CFAP77: variants seen among roughly 807,000 people sequenced by gnomAD.
The protein encoded by CFAP77 is cilia- and flagella-associated protein 77.
A neutral mutation model predicts 31.1 loss-of-function variants in CFAP77; 25 were observed. The observed-to-expected ratio is 0.80, with a 90% CI of 0.59 to 1.12. The LOEUF is 1.12. CFAP77 is among the 50% of genes most tolerant of loss of function. CFAP77 has a pLI of 0.00. For missense variants in CFAP77, 377 were observed against 397.3 expected (o/e 0.95, Z 0.44); for synonymous variants, 151 against 159.9 (o/e 0.94, Z 0.42).
At chr9:132,436,135 C>T (rs1850500251) in intron 1 of CFAP77, among the ~76,000 whole-genome samples, 1 of 152,122 alleles carries the variant, frequency 6.6e-6, no homozygotes, top group Non-Finnish European at 1.5e-5. Context: ...TGTATTCTGT[C>T]ACAGCTTCAG....
intron 1 of CFAP77, among the ~76,000 whole-genome samples, chr9:132,471,387 C>T (rs976551808): frequency 6.6e-6 from 1 of 152,150 alleles, no homozygotes; most frequent in Non-Finnish European, 1.5e-5. Flanking sequence ...TGCCTGCCCA[C>T]AACTCTCTGG....
At chr9:132,433,967 T>C (rs896346363) in intron 1 of CFAP77, among the ~76,000 whole-genome samples, 11 of 134,114 alleles carry the variant, frequency 8.2e-5, no homozygotes, top group African/African-American at 1.1e-4. Flanking sequence ...GGAGACCCCA[T>C]GTGTAAAAAA....
rs991600650 is a variant in CFAP77 at position 132,490,296 on chromosome 9, A to G, written c.196-8399A>G. On this transcript the variant is annotated intron_variant, in intron 1 of 5. Coordinates refer to ENST00000393216, the MANE Select transcript of CFAP77 (RefSeq NM_001282957.2). The surrounding 1 kb of genome is among the most constrained non-coding windows in gnomAD (Gnocchi z 4.6). The stretch of plus-strand genomic sequence containing the variant: ...GCATGACTTTGGAGGCGATAAAAAC[A>G]TTCAGACCATAGCACCATGGAAAAG... 6.6e-6 allele frequency among the ~76,000 whole-genome samples: 1 copy of G among 152,194 alleles called. No individual in the cohort carries two copies. The highest frequency in any genetic ancestry group is 6.5e-5 in the Admixed American group (1 of 15,286).
intron 1 of CFAP77, among the ~76,000 whole-genome samples, chr9:132,485,311 A>G (rs1369027482): frequency 1.3e-5 from 2 of 152,160 alleles, no homozygotes; most frequent in Non-Finnish European, 2.9e-5. Context: ...TCCGAGCTGG[A>G]GGCTCTCATG....
chr9:132,512,673 G>A (rs939742683), intron 3 of CFAP77, among the ~76,000 whole-genome samples: 8 of 152,336 alleles, frequency 5.3e-5, no homozygotes, highest in African/African-American at 1.9e-4. Flanking sequence ...TAGGCCAGGC[G>A]TGGTGGCTTA....
At chr9:132,526,668 G>C (rs1300679935) in intron 3 of CFAP77, among the ~76,000 whole-genome samples, 1 of 132,416 alleles carries the variant, frequency 7.6e-6, no homozygotes, top group Non-Finnish European at 1.7e-5. Context: ...ATGATAAAGG[G>C]GATATCACCA....
chr9:132,529,320 A>G (rs1401644681), intron 3 of CFAP77, among the ~76,000 whole-genome samples: 2 of 123,282 alleles, frequency 1.6e-5, no homozygotes, highest in Non-Finnish European at 3.4e-5. Flanking sequence ...GATCACATGG[A>G]CACAGGAAGG....
At chr9:132,510,506 T>C (rs1852017382) in intron 3 of CFAP77, among the ~76,000 whole-genome samples, 1 of 152,226 alleles carries the variant, frequency 6.6e-6, no homozygotes, top group South Asian at 2.1e-4. Context: ...GGCACCTCCC[T>C]GGCACTGCAC....
intron 1 of CFAP77, among the ~76,000 whole-genome samples, chr9:132,478,913 A>G (rs1344677430): frequency 6.6e-6 from 1 of 150,556 alleles, no homozygotes; most frequent in Non-Finnish European, 1.5e-5. Context: ...AGGCTGGTCT[A>G]TAAACCAGTT....
At chr9:132,412,016 T>C (rs1850014607) in intron 1 of CFAP77, among the ~76,000 whole-genome samples, 2 of 152,206 alleles carry the variant, frequency 1.3e-5, no homozygotes, top group African/African-American at 4.8e-5. Flanking sequence ...ATATGTAAAT[T>C]TCCCCCTTCT....
chr9:132,451,032 G>T (rs556805659), intron 1 of CFAP77, among the ~76,000 whole-genome samples: 1 of 152,164 alleles, frequency 6.6e-6, no homozygotes, highest in Non-Finnish European at 1.5e-5. Context: ...ATGGAAGCAG[G>T]TCTGTGGAAA....
At chr9:132,543,218 G>A (rs984038354) in intron 5 of CFAP77, among the ~76,000 whole-genome samples, 171 bp downstream of exon 5, 2 of 152,228 alleles carry the variant, frequency 1.3e-5, no homozygotes, top group East Asian at 3.8e-4. Flanking sequence ...CCCAAGGCCC[G>A]GAGCTGAGCC....
At chr9:132,568,374 G>A (rs368692667) in intron 5 of CFAP77, among the ~76,000 whole-genome samples, 13 of 152,134 alleles carry the variant, frequency 8.5e-5, no homozygotes, top group African/African-American at 2.7e-4. Flanking sequence ...GGCCAACAAG[G>A]AGAAACCCCG....
intron 5 of CFAP77, among the ~76,000 whole-genome samples, chr9:132,567,369 T>C (rs775021000): frequency 1.5e-4 from 23 of 152,250 alleles, no homozygotes; most frequent in Admixed American, 5.2e-4. Context: ...TGAATGCTTC[T>C]GCTTCAGCGA....
At chr9:132,518,342 T>A (rs1009433616) in intron 3 of CFAP77, among the ~76,000 whole-genome samples, 6 of 152,162 alleles carry the variant, frequency 3.9e-5, no homozygotes, top group African/African-American at 1.4e-4. Flanking sequence ...ACGAGATGAC[T>A]GGATCATTCA....
intron 1 of CFAP77, among the ~76,000 whole-genome samples, chr9:132,422,049 C>A (rs1488291144): frequency 6.6e-6 from 1 of 151,304 alleles, no homozygotes; most frequent in Non-Finnish European, 1.5e-5. Flanking sequence ...GCTCTTGTTG[C>A]CCAGGCTGGA....
intron 3 of CFAP77, among the ~76,000 whole-genome samples, chr9:132,531,477 T>A (rs146803352): frequency 6.6e-6 from 1 of 151,614 alleles, no homozygotes; most frequent in East Asian, 1.9e-4. Flanking sequence ...GGAAGCTGAG[T>A]GTGTGCTGAG....
intron 5 of CFAP77, 94 bp from the exon 6 acceptor site, chr9:132,572,294 C>A: frequency 7.1e-7 from 1 of 1,408,628 alleles, no homozygotes. Flanking sequence ...TATCATTATT[C>A]TAAGATTGAA....
chr9:132,538,862 C>T (rs775559570), intron 4 of CFAP77, among the ~76,000 whole-genome samples: 7 of 152,060 alleles, frequency 4.6e-5, no homozygotes, highest in East Asian at 1.9e-4. Context: ...CCAAGGCGGG[C>T]GGATCATGAG....
Sources: allele counts gnomAD v4.1 joint callset (sites outside exome capture counted in the v4.1 genomes callset), GRCh38; gene constraint gnomAD v4.1.1; non-coding constraint Gnocchi (gnomAD v3.1); transcripts MANE v1.5; gene names NCBI Gene and HGNC (gene_info 2026-07-23, HGNC 2026-07-21).